The following C10orf67 variants were observed in gnomAD, a reference collection of about 807,000 sequenced individuals.
C10orf67 encodes uncharacterized protein C10orf67, mitochondrial.
A neutral mutation model predicts 35.6 loss-of-function variants in C10orf67; 60 were observed. The observed-to-expected ratio is 1.68, with a 90% confidence interval of 1.37 to 2.09. The LOEUF is 2.09. Among genes scored for constraint, C10orf67 ranks in the 30% most tolerant of loss-of-function variants. C10orf67 has a pLI of 0.00. For synonymous variants in C10orf67, 167 were observed against 115.8 expected (o/e 1.44, Z -2.84); for missense variants, 474 against 330.2 (o/e 1.44, Z -3.38).
At chr10:23,287,624 T>C (rs978940191) in intron 7 of C10orf67, among the ~76,000 whole-genome samples, 1 of 151,882 alleles carries the variant, frequency 6.6e-6, no homozygotes, top group Admixed American at 6.6e-5. Flanking sequence ...AATTGACGAA[T>C]GGGATCTGAT....
chr10:23,215,920 T>G (rs1023503192), intron 15 of C10orf67, among the ~76,000 whole-genome samples: 1 of 152,154 alleles, frequency 6.6e-6, no homozygotes, highest in African/African-American at 2.4e-5. Flanking sequence ...TATAAAAACT[T>G]TCAGCGCCTG....
chr10:23,270,460 C>T (rs1842986581), intron 8 of C10orf67, among the ~76,000 whole-genome samples: 1 of 152,186 alleles, frequency 6.6e-6, no homozygotes, highest in Non-Finnish European at 1.5e-5. Context: ...ACTAGCTGCT[C>T]AGGCATACAT....
At chr10:23,267,630 G>A (rs1035982804) in intron 8 of C10orf67, among the ~76,000 whole-genome samples, 5 of 152,242 alleles carry the variant, frequency 3.3e-5, no homozygotes, top group Admixed American at 6.5e-5. Context: ...TGAGAAGGCC[G>A]GGCACGGTGG....
chr10:23,332,026 C>A (rs59664099), intron 2 of C10orf67, among the ~76,000 whole-genome samples: 10,241 of 152,190 alleles, frequency 0.067, 1,302 homozygotes, highest in East Asian at 0.62. Context: ...CAATATCCTT[C>A]AAAATGACTA....
At position 23,321,229 on chromosome 10, in the gene C10orf67, G is replaced by A. The variant is rs542851806; in HGVS notation, c.472-414C>T. On this transcript the variant is annotated intron_variant, in intron 3 of 15. Coordinates refer to ENST00000636213, the MANE Select transcript of C10orf67 (RefSeq NM_001371909.1). Reference sequence around the variant, plus strand: ...AGTCTGCAAACTAGAGTTATTTTCCGATTAATCAAATGATTTGATTAGATC... The same window carrying A: ...AGTCTGCAAACTAGAGTTATTTTCCAATTAATCAAATGATTTGATTAGATC... Among the ~76,000 whole-genome samples, 29 of 152,246 alleles carry A rather than the reference G, an allele frequency of 1.9e-4. No individual in the cohort carries two copies. The South Asian group carries it at 2.3e-3, about 12-fold the overall frequency.
At chr10:23,234,621 C>T (rs1841996047) in intron 13 of C10orf67, among the ~76,000 whole-genome samples, 1 of 151,950 alleles carries the variant, frequency 6.6e-6, no homozygotes, top group African/African-American at 2.4e-5. Flanking sequence ...ACAACAAACC[C>T]CCATGATACA....
At chr10:23,292,688 C>A (rs1057387784) in intron 5 of C10orf67, among the ~76,000 whole-genome samples, 2 of 152,182 alleles carry the variant, frequency 1.3e-5, no homozygotes, top group South Asian at 4.2e-4. Context: ...TCCTTTAAAA[C>A]AAGTGACTTA....
At chr10:23,300,957 G>A (rs1844053104) in intron 5 of C10orf67, among the ~76,000 whole-genome samples, 1 of 152,228 alleles carries the variant, frequency 6.6e-6, no homozygotes, top group African/African-American at 2.4e-5. Flanking sequence ...ATCTGTCCAT[G>A]TCAGATCAAA....
At chr10:23,252,823 T>C (rs1842494208) in intron 10 of C10orf67, among the ~76,000 whole-genome samples, 1 of 152,156 alleles carries the variant, frequency 6.6e-6, no homozygotes, top group African/African-American at 2.4e-5. Flanking sequence ...AATGAACACA[T>C]GTAATAGGCA....
chr10:23,261,889 T>A (rs1842759510), intron 10 of C10orf67, among the ~76,000 whole-genome samples: 1 of 152,096 alleles, frequency 6.6e-6, no homozygotes, highest in Non-Finnish European at 1.5e-5. Flanking sequence ...GAGTGTTAAA[T>A]GAAAAAAGGT....
intron 10 of C10orf67, among the ~76,000 whole-genome samples, chr10:23,256,716 CATG>C (rs1281665497): frequency 1.3e-5 from 2 of 151,812 alleles, no homozygotes; most frequent in South Asian, 4.2e-4. Flanking sequence ...ACCAGATACT[CATG>C]AGAAAAATTG....
At chr10:23,295,418 G>T (rs1355496858) in intron 5 of C10orf67, among the ~76,000 whole-genome samples, 1 of 152,182 alleles carries the variant, frequency 6.6e-6, no homozygotes, top group Admixed American at 6.5e-5. Flanking sequence ...CCCAATTGGG[G>T]TGTTCTCAAC....
At chr10:23,240,598 C>A (rs762953766) in intron 12 of C10orf67, among the ~76,000 whole-genome samples, 1 of 152,086 alleles carries the variant, frequency 6.6e-6, no homozygotes, top group Non-Finnish European at 1.5e-5. Flanking sequence ...GCAAGCGATG[C>A]GAAAATTAGG....
At chr10:23,318,846 C>G (rs1844836153) in intron 4 of C10orf67, 1 of 767,292 alleles carries the variant, frequency 1.3e-6, no homozygotes, top group African/African-American at 1.7e-5. Flanking sequence ...ACCAAGGACC[C>G]CTCTGCTTCT....
chr10:23,212,395 A>G (rs1031272070), intron 15 of C10orf67, among the ~76,000 whole-genome samples: 1 of 152,190 alleles, frequency 6.6e-6, no homozygotes, highest in Non-Finnish European at 1.5e-5. Flanking sequence ...CTCTTGTTTC[A>G]GCTGCAGAAA....
At chr10:23,277,121 C>A (rs1843213463) in intron 8 of C10orf67, among the ~76,000 whole-genome samples, 1 of 152,148 alleles carries the variant, frequency 6.6e-6, no homozygotes, top group Admixed American at 6.5e-5. Flanking sequence ...AGATCTGTAA[C>A]TGTTTCTTCA....
chr10:23,231,316 T>C (rs1229145985), intron 13 of C10orf67, among the ~76,000 whole-genome samples: 10 of 152,206 alleles, frequency 6.6e-5, no homozygotes, highest in Non-Finnish European at 1.5e-5. Context: ...CTGGGTCATA[T>C]CCTTAAGGAT....
chr10:23,323,772 T>G (rs772735839), intron 2 of C10orf67, among the ~76,000 whole-genome samples: 17 of 148,954 alleles, frequency 1.1e-4, no homozygotes, highest in African/African-American at 4.2e-4. Flanking sequence ...ATTAGCCAAG[T>G]GTGGCAGTGC....
chr10:23,312,072 T>C (rs1844522280), intron 4 of C10orf67, among the ~76,000 whole-genome samples: 1 of 152,186 alleles, frequency 6.6e-6, no homozygotes, highest in Admixed American at 6.5e-5. Flanking sequence ...CTTTCTTCAC[T>C]CTAAAGTTAA....
Sources: gnomAD v4.1 joint callset for allele counts (sites outside exome capture counted in the v4.1 genomes callset) on GRCh38, gnomAD v4.1.1 for gene constraint, MANE v1.5 for transcripts, NCBI Gene and HGNC (gene_info 2026-07-23, HGNC 2026-07-21) for gene names.